Variants in DSCAML1 observed in about 807,000 individuals in gnomAD.
The protein encoded by DSCAML1 is DS cell adhesion molecule like 1.
A neutral mutation model predicts 200.5 loss-of-function variants in DSCAML1; 38 were observed. The ratio of observed to expected loss-of-function variants is 0.19; its 90% CI spans 0.15 to 0.25. The LOEUF (loss-of-function observed/expected upper bound fraction) is 0.25, where lower values mean the gene tolerates loss of function less well. DSCAML1 is among the 10% of genes least tolerant of loss of function. DSCAML1 has a pLI of 1.00. For missense variants in DSCAML1, 2,223 were observed against 2,858.8 expected (o/e 0.78, Z 5.07); for synonymous variants, 1,215 against 1,165.0 (o/e 1.04, Z -0.87).
At chr11:117,692,762 T>G (rs1311626066) in intron 3 of DSCAML1, among the ~76,000 whole-genome samples, 1 of 152,170 alleles carries the variant, frequency 6.6e-6, no homozygotes, top group Non-Finnish European at 1.5e-5. Flanking sequence ...GCTCATGACC[T>G]GCACGGAGGT....
intron 3 of DSCAML1, among the ~76,000 whole-genome samples, chr11:117,691,740 G>A (rs988717731): frequency 1.3e-5 from 2 of 152,178 alleles, no homozygotes; most frequent in Non-Finnish European, 1.5e-5. Context: ...TTCAGAAAAA[G>A]GAACAGGGGA....
chr11:117,563,478 C>T (rs2050701385), intron 3 of DSCAML1, among the ~76,000 whole-genome samples: 1 of 152,114 alleles, frequency 6.6e-6, no homozygotes, highest in Non-Finnish European at 1.5e-5. Context: ...AGCCCCTCTG[C>T]TTGTGAAGGT....
chr11:117,665,966 G>C (rs577343100), intron 3 of DSCAML1, among the ~76,000 whole-genome samples: 68 of 152,320 alleles, frequency 4.5e-4, no homozygotes, highest in African/African-American at 1.5e-3. Context: ...ACACAGTCCA[G>C]GACCCTCTCT....
In DSCAML1 at chr11:117,539,606, C is replaced by CAAAAAAAAAAAAAAAAAAAAAAAAAA. The variant is rs35130897; in HGVS notation, c.512-7085_512-7084insTTTTTTTTTTTTTTTTTTTTTTTTTT. ...CTGGGCAACAAGAGTAAAACTCTGT[C>CAAAAAAAAAAAAAAAAAAAAAAAAAA]AAAAAAAAAAAAAAAAAAAAAAAAG... On this transcript the variant is annotated intron_variant, in intron 3 of 32. Transcript: ENST00000651296. Among the ~76,000 whole-genome samples the CAAAAAAAAAAAAAAAAAAAAAAAAAA allele has an allele frequency of 3.4e-4, 18 of 52,606 alleles. 1 individual carries two copies. Among genetic ancestry groups the CAAAAAAAAAAAAAAAAAAAAAAAAAA allele is most frequent in the South Asian group, 6.5e-4 (1 of 1,550 alleles). 34.5% of individuals were successfully genotyped at this position (52,606 alleles called of 152,430 possible).
chr11:117,770,474 G>T (rs886844708), intron 3 of DSCAML1, among the ~76,000 whole-genome samples: 5 of 152,112 alleles, frequency 3.3e-5, no homozygotes, highest in African/African-American at 1.2e-4. Context: ...ACCAAGATTA[G>T]ACACTGGTAA....
chr11:117,688,354 C>T (rs996522612), intron 3 of DSCAML1, among the ~76,000 whole-genome samples: 6 of 152,148 alleles, frequency 3.9e-5, no homozygotes, highest in African/African-American at 1.2e-4. Context: ...GCTGTGTTCT[C>T]GGGGATGGGC....
At chr11:117,599,534 G>T (rs1282891436) in intron 3 of DSCAML1, among the ~76,000 whole-genome samples, 2 of 152,192 alleles carry the variant, frequency 1.3e-5, no homozygotes, top group African/African-American at 4.8e-5. Flanking sequence ...GGTGATGTTT[G>T]GGATGGGTTC....
chr11:117,712,862 C>G (rs909179234), intron 3 of DSCAML1, among the ~76,000 whole-genome samples: 1 of 152,054 alleles, frequency 6.6e-6, no homozygotes, highest in Non-Finnish European at 1.5e-5. Context: ...GCCTCTCTCC[C>G]CACCCTGTGA....
In DSCAML1 at chr11:117,482,165, G is replaced by T. The variant is rs371637278; in HGVS notation, c.2360-3C>A. 6.8e-6 allele frequency: 11 copies of T among 1,613,732 alleles called. No homozygotes were observed. The highest frequency in any genetic ancestry group is 5.5e-5 in the South Asian group (5 of 91,054). ...GTGGGAAGTGATCATGGCCGGGACT[G>T]GGGGGCGGAGGCAGAGAAGGCCCAG... On this transcript the variant is annotated splice_region_variant and splice_polypyrimidine_tract_variant and intron_variant, in intron 11 of 32. Coordinates refer to ENST00000651296, the MANE Select transcript of DSCAML1 (RefSeq NM_020693.4).
chr11:117,435,917 C>G (rs2047905821), intron 26 of DSCAML1, 118 bp from the exon 27 acceptor site: 2 of 1,138,000 alleles, frequency 1.8e-6, no homozygotes, highest in Admixed American at 5.1e-5. Flanking sequence ...CTGACCTCCA[C>G]CTCCTGGCAC....
intron 1 of DSCAML1, among the ~76,000 whole-genome samples, chr11:117,816,573 G>T (rs572881355): frequency 1.3e-5 from 2 of 152,184 alleles, no homozygotes; most frequent in African/African-American, 2.4e-5. Flanking sequence ...CAGCCCTGCC[G>T]AGCAGAGCGG....
rs951502642 is a variant in DSCAML1, at chr11:117,537,690, G to A, written c.512-5168C>T. Reference sequence around the variant, plus strand: ...CTGAGTTCTAATAAGACTAGTGTTCGTCTAAGAAGAGGGCGATCTGGACAC... The same window carrying A: ...CTGAGTTCTAATAAGACTAGTGTTCATCTAAGAAGAGGGCGATCTGGACAC... On this transcript the variant is annotated intron_variant, in intron 3 of 32. Transcript: ENST00000651296. Among the ~76,000 whole-genome samples the A allele has an allele frequency of 7.9e-5, 12 of 152,314 alleles. 1 individual carries two copies. The highest frequency in any genetic ancestry group is 2.6e-4 in the Admixed American group (4 of 15,302).
intron 3 of DSCAML1, among the ~76,000 whole-genome samples, chr11:117,736,061 A>G (rs2054309969): frequency 6.6e-6 from 1 of 152,294 alleles, no homozygotes; most frequent in Admixed American, 6.5e-5. Flanking sequence ...TTCATTATCT[A>G]CTGCTGCAAA....
chr11:117,493,737 C>T (rs1053527212), intron 11 of DSCAML1, among the ~76,000 whole-genome samples: 1 of 152,170 alleles, frequency 6.6e-6, no homozygotes, highest in African/African-American at 2.4e-5. Context: ...AAGTGATCCT[C>T]CTGCCTCAGC....
chr11:117,803,492 AAATT>A (rs1442236225), intron 1 of DSCAML1, among the ~76,000 whole-genome samples: 1 of 152,136 alleles, frequency 6.6e-6, no homozygotes. Flanking sequence ...TTATCTTTCT[AAATT>A]AATAATCACA....
chr11:117,786,409 A>G (rs1261697379), intron 1 of DSCAML1, among the ~76,000 whole-genome samples: 2 of 152,230 alleles, frequency 1.3e-5, no homozygotes, highest in Non-Finnish European at 2.9e-5. Flanking sequence ...ATATTTTTAA[A>G]CCAGAAATCG....
chr11:117,769,164 A>G (rs1178212923), intron 3 of DSCAML1, among the ~76,000 whole-genome samples: 4 of 24,574 alleles, frequency 1.6e-4, no homozygotes, highest in Non-Finnish European at 2.9e-4. Context: ...TATATATATT[A>G]TATATTTTAT....
intron 3 of DSCAML1, among the ~76,000 whole-genome samples, chr11:117,708,091 C>G (rs1034315211): frequency 6.6e-5 from 10 of 152,194 alleles, no homozygotes; most frequent in African/African-American, 2.4e-4. Context: ...TCCTGCCTCC[C>G]TCTCTGTGCC....
At chr11:117,534,760 C>T (rs1430583903) in intron 3 of DSCAML1, among the ~76,000 whole-genome samples, 2 of 152,126 alleles carry the variant, frequency 1.3e-5, no homozygotes, top group African/African-American at 4.8e-5. Context: ...CAGTCATGCA[C>T]CACCACAACT....
Sources: gnomAD v4.1 joint callset for allele counts (sites outside exome capture counted in the v4.1 genomes callset) on GRCh38, gnomAD v4.1.1 for gene constraint, MANE v1.5 for transcripts, NCBI Gene and HGNC (gene_info 2026-07-23, HGNC 2026-07-21) for gene names.